CATSPERE: variants seen among roughly 807,000 people sequenced by gnomAD.
CATSPERE encodes cation channel sperm-associated auxiliary subunit epsilon.
A neutral mutation model predicts 114.1 loss-of-function variants in CATSPERE; 93 were observed. That is an observed-to-expected ratio of 0.81 (90% confidence interval 0.69 to 0.97). The LOEUF is 0.97. CATSPERE is among the 50% of genes least tolerant of loss of function. CATSPERE has a pLI of 0.00. For missense variants in CATSPERE, 1,058 were observed against 1,131.6 expected (o/e 0.93, Z 0.93); for synonymous variants, 341 against 384.1 (o/e 0.89, Z 1.31).
At position 244,563,797 on chromosome 1, in the gene CATSPERE, G is replaced by A. The variant is rs113940582; in HGVS notation, c.1507+2652G>A. Among the ~76,000 whole-genome samples the A allele has an allele frequency of 9.7e-3, 1,477 of 152,144 alleles. 26 individuals carry two copies. Among genetic ancestry groups the A allele is most frequent in the African/African-American group, 0.033 (1,351 of 41,524 alleles). On this transcript the variant is annotated intron_variant, in intron 10 of 21. Coordinates refer to ENST00000366534, the MANE Select transcript of CATSPERE (RefSeq NM_001130957.2). ...TTTGTCGATTTTGGCTATTGTTGCCGTTGCTTTTGGTGTTTTAGTCATGAA... is the reference window on the plus strand; with the variant it reads ...TTTGTCGATTTTGGCTATTGTTGCCATTGCTTTTGGTGTTTTAGTCATGAA...
In CATSPERE at chr1:244,481,605, G is replaced by T. The variant is rs146401530; in HGVS notation, c.326+1821G>T. 2.9e-3 allele frequency among the ~76,000 whole-genome samples: 434 copies of T among 152,242 alleles called. 3 individuals carry two copies. The highest frequency in any genetic ancestry group is 0.01 in the African/African-American group (421 of 41,540). ...GAAGATAATCTGTTGCCATAAGACT[G>T]TATGTTTGTGTCCCACCCCATTTAC... On this transcript the variant is annotated intron_variant, in intron 5 of 21. Transcript: ENST00000366534.
chr1:244,504,561 G>A lies in CATSPERE; in HGVS notation c.429+5482G>A, dbSNP rs188385466. On this transcript the variant is annotated intron_variant, in intron 7 of 21. Coordinates refer to ENST00000366534, the MANE Select transcript of CATSPERE (RefSeq NM_001130957.2). This position sits in a 1 kb window ranked among gnomAD's most constrained non-coding sequence, Gnocchi z 4.1. ...ATATTTAGTTGTCTTGTCTCTTTAC[G>A]TTCTTAATTGTGACAGTTTCTAGAC... 3.9e-5 allele frequency among the ~76,000 whole-genome samples: 6 copies of A among 152,214 alleles called. No homozygotes were observed. Among genetic ancestry groups the A allele is most frequent in the Admixed American group, 3.3e-4 (5 of 15,298 alleles).
rs553574381 is a variant in CATSPERE, at chr1:244,512,985, A to G, written c.430-5607A>G. Among the ~76,000 whole-genome samples, 20 of 152,316 alleles carry G rather than the reference A, an allele frequency of 1.3e-4. No homozygotes were observed. The South Asian group carries it at 4.1e-3, about 32-fold the overall frequency. ...CAGTGGTAGGGACAGCTGGCTAAAC[A>G]TCAGGTTCGTGAACCCCCTGGCAGC... On this transcript the variant is annotated intron_variant, in intron 7 of 21. Coordinates refer to ENST00000366534, the MANE Select transcript of CATSPERE (RefSeq NM_001130957.2).
At chr1:244,580,278 C>T (rs999117847) in intron 11 of CATSPERE, among the ~76,000 whole-genome samples, 1 of 149,878 alleles carries the variant, frequency 6.7e-6, no homozygotes, top group African/African-American at 2.5e-5. Context: ...GTCTTGAACT[C>T]CTAACCTCAA....
At chr1:244,610,213 C>G (rs1416432580) in intron 18 of CATSPERE, 27 bp from the exon 19 acceptor site, 9 of 1,470,296 alleles carry the variant, frequency 6.1e-6, no homozygotes, top group Non-Finnish European at 7.5e-6. Context: ...TTCTACCTAC[C>G]CACATACATG....
In CATSPERE at chr1:244,610,268, G is replaced by GT. The variant is rs1305779045; in HGVS notation, c.2432_2433insT (p.Trp811CysfsTer6). 6.2e-7 allele frequency: 1 copy of GT among 1,612,416 alleles called. No individual in the cohort carries two copies. Among genetic ancestry groups the GT allele is most frequent in the South Asian group, 1.1e-5 (1 of 90,486 alleles). On this transcript the variant is annotated frameshift_variant, in exon 19 of 22. Coordinates refer to ENST00000366534, the MANE Select transcript of CATSPERE (RefSeq NM_001130957.2). LOFTEE classifies it high-confidence loss of function. Reference sequence around the variant, plus strand: ...GGTTGTTTACATGAAGCACAGACATGGAAGTCAATGATTGAACTTAACAAG... The same window carrying GT: ...GGTTGTTTACATGAAGCACAGACATGTGAAGTCAATGATTGAACTTAACAAG...
intron 19 of CATSPERE, among the ~76,000 whole-genome samples, chr1:244,615,424 G>C (rs994510893): frequency 8.6e-5 from 13 of 151,760 alleles, no homozygotes; most frequent in African/African-American, 2.9e-4. Context: ...TCTGAGAAAT[G>C]CTTTGTTAGG....
intron 2 of CATSPERE, among the ~76,000 whole-genome samples, chr1:244,466,864 C>A (rs1383145587): frequency 6.6e-6 from 1 of 152,184 alleles, no homozygotes; most frequent in East Asian, 1.9e-4. Context: ...AGGCCTTCCC[C>A]AAAACCACCT....
chr1:244,557,799 C>A (rs1661887676), intron 9 of CATSPERE, among the ~76,000 whole-genome samples: 1 of 151,138 alleles, frequency 6.6e-6, no homozygotes, highest in Admixed American at 6.6e-5. Flanking sequence ...ACTAGGATTC[C>A]AAAAACACCT....
At chr1:244,571,996 A>T (rs1664538350) in intron 10 of CATSPERE, among the ~76,000 whole-genome samples, 1 of 152,200 alleles carries the variant, frequency 6.6e-6, no homozygotes, top group Non-Finnish European at 1.5e-5. Context: ...GGGGGGACAC[A>T]ATTCAATCCA....
At chr1:244,527,409 G>A (rs563731415) in intron 8 of CATSPERE, among the ~76,000 whole-genome samples, 85 of 152,272 alleles carry the variant, frequency 5.6e-4, no homozygotes, top group Non-Finnish European at 9.3e-4. Context: ...TGTTCCGCCC[G>A]GCTCAGCGGC....
intron 8 of CATSPERE, among the ~76,000 whole-genome samples, chr1:244,523,702 CAA>C (rs1349647099): frequency 1.5e-5 from 2 of 136,428 alleles, no homozygotes; most frequent in African/African-American, 3.2e-5. Context: ...AACAGACAAA[CAA>C]AGAGCCAAAT....
intron 5 of CATSPERE, among the ~76,000 whole-genome samples, chr1:244,488,306 T>C (rs1210380385): frequency 1.3e-5 from 2 of 152,244 alleles, no homozygotes; most frequent in Admixed American, 6.5e-5. Flanking sequence ...ATCACTTTCT[T>C]TTTGAAACTC....
At chr1:244,451,650 G>A (rs762008431), upstream of CATSPERE, 1 of 1,610,462 alleles carries the variant, frequency 6.2e-7, no homozygotes, top group Non-Finnish European at 8.5e-7. The surrounding 1 kb of genome is among the most constrained non-coding windows in gnomAD (Gnocchi z 6.6). Flanking sequence ...AGCGGCACAC[G>A]ATGTCGGCGT....
intron 18 of CATSPERE, 77 bp downstream of exon 18, chr1:244,605,871 C>A: frequency 3.0e-6 from 3 of 992,556 alleles, no homozygotes; most frequent in Non-Finnish European, 3.0e-6. Flanking sequence ...TATAAATAAG[C>A]GATCTAAGGA....
chr1:244,460,445 A>G (rs1666582171), upstream of CATSPERE, among the ~76,000 whole-genome samples: 1 of 151,764 alleles, frequency 6.6e-6, no homozygotes, highest in African/African-American at 2.4e-5. Context: ...GACAGCTTCT[A>G]CTCCCTATGA....
intron 5 of CATSPERE, among the ~76,000 whole-genome samples, chr1:244,480,603 T>A (rs1670102481): frequency 1.7e-5 from 1 of 58,542 alleles, no homozygotes; most frequent in Non-Finnish European, 3.9e-5. Flanking sequence ...GCAGAACCAA[T>A]CAGAATACTC....
At chr1:244,540,395 A>C (rs112482087) in intron 8 of CATSPERE, among the ~76,000 whole-genome samples, 15,436 of 92,922 alleles carry the variant, frequency 0.17, 1,922 homozygotes, top group African/African-American at 0.34. Flanking sequence ...GAGTGAACTC[A>C]CATTCACAAT....
At chr1:244,618,484 T>C (rs1473379229) in intron 20 of CATSPERE, among the ~76,000 whole-genome samples, 5 of 152,146 alleles carry the variant, frequency 3.3e-5, no homozygotes. Flanking sequence ...GAAAGAATGG[T>C]GCAGAAGAAA....
Sources: gnomAD v4.1 joint callset for allele counts (sites outside exome capture counted in the v4.1 genomes callset) on GRCh38, gnomAD v4.1.1 for gene constraint, Gnocchi (gnomAD v3.1) non-coding constraint, MANE v1.5 for transcripts, NCBI Gene and HGNC (gene_info 2026-07-23, HGNC 2026-07-21) for gene names.